The following PLEKHM1 variants were observed in gnomAD, a reference collection of about 807,000 sequenced individuals.
PLEKHM1 encodes pleckstrin homology domain-containing family M member 1.
A neutral mutation model predicts 94.3 loss-of-function variants in PLEKHM1; 28 were observed. The observed-to-expected ratio is 0.30, with a 90% CI of 0.22 to 0.41. The LOEUF is 0.41. Ranked by LOEUF, PLEKHM1 falls within the 10% of genes least tolerant of loss-of-function variation. The probability of loss-of-function intolerance (pLI) is 1.00; values close to 1 mark genes in which losing one functional copy is unlikely to be tolerated. For missense variants in PLEKHM1, 907 were observed against 1,358.6 expected, an observed-to-expected ratio of 0.67 and a Z score of 5.22; for synonymous variants, 424 against 581.2, an observed-to-expected ratio of 0.73 and a Z score of 3.89.
intron 8 of PLEKHM1, among the ~76,000 whole-genome samples, chr17:45,449,821 C>A (rs542808911): frequency 4.7e-4 from 70 of 150,532 alleles, no homozygotes; most frequent in African/African-American, 1.5e-3. Flanking sequence ...TGCTCAGCCA[C>A]CTACCTACCT....
At position 45,475,720 on chromosome 17, in the gene PLEKHM1, G is replaced by T; in HGVS notation, c.303C>A (p.Ile101=). 1.9e-6 allele frequency: 3 copies of T among 1,605,176 alleles called. No homozygotes were observed. Among genetic ancestry groups the T allele is most frequent in the Non-Finnish European group, 2.6e-6 (3 of 1,175,720 alleles). ...ACGTCAGGTGCTCCAACTCTGAGAT[G>T]ATGTGTCTGGGAAGGGAGAACAGAC... ...PLLKAVTHKH[I]ISELEHLTFV... Residue 101 remains isoleucine (I), a synonymous_variant, in exon 4 of 12, where the codon ATC becomes ATA. Transcript: ENST00000430334.
At chr17:45,464,671 T>C (rs62065395) in intron 5 of PLEKHM1, among the ~76,000 whole-genome samples, 18,368 of 150,342 alleles carry the variant, frequency 0.12, 1,476 homozygotes, top group Middle Eastern at 0.19. Flanking sequence ...TCACATCGGA[T>C]TCAGCACCAA....
chr17:45,480,482 T>TCAAAAAAA (rs374190897), intron 2 of PLEKHM1, among the ~76,000 whole-genome samples: 28 of 150,948 alleles, frequency 1.9e-4, no homozygotes, highest in East Asian at 3.9e-4. Flanking sequence ...AGACTCCGTC[T>TCAAAAAAA]CAAAAAAACA....
downstream of PLEKHM1, chr17:45,435,861 C>A (rs548648182): frequency 2.1e-5 from 9 of 428,602 alleles, no homozygotes; most frequent in East Asian, 3.5e-4. Context: ...TGGTCTCCCC[C>A]CTGGCCGTGG....
At chr17:45,466,980 C>T (rs1010767255) in intron 5 of PLEKHM1, among the ~76,000 whole-genome samples, 17 of 152,192 alleles carry the variant, frequency 1.1e-4, no homozygotes, top group African/African-American at 4.1e-4. Context: ...CTGGAAACAA[C>T]CCAAATGTCC....
chr17:45,489,995 C>G (rs937539793), intron 1 of PLEKHM1, among the ~76,000 whole-genome samples: 2 of 151,996 alleles, frequency 1.3e-5, no homozygotes, highest in South Asian at 2.1e-4. Context: ...GCAGGAGACG[C>G]AAAGGAAGGT....
At chr17:45,459,667 C>T (rs1286526004) in intron 5 of PLEKHM1, 1 of 144,280 alleles carries the variant, frequency 6.9e-6, no homozygotes, top group Non-Finnish European at 1.5e-5. Flanking sequence ...TCATGTGTAA[C>T]TCTATGTTTC....
Position 45,437,818 on chromosome 17 carries a change from A to G in PLEKHM1, c.*40T>C. 6.7e-7 allele frequency: 1 copy of G among 1,486,230 alleles called. No homozygotes were observed. Among genetic ancestry groups the G allele is most frequent in the African/African-American group, 1.4e-5 (1 of 72,626 alleles). The allele number at this position is 1,486,230 out of a possible 1,614,324, so 92.1% of individuals were successfully genotyped here. A position where few individuals can be genotyped will look rare whatever the true frequency, so the allele number is the denominator to read the frequency against. On this transcript the variant is annotated 3_prime_UTR_variant, in exon 12 of 12. Transcript: ENST00000430334. The surrounding 1 kb of genome is among the most constrained non-coding windows in gnomAD (Gnocchi z 4.0). ...AACCCAGCCGGGATGGCTGAGCCAC[A>G]CTCACCCCCGGCTTTCAGAGCGGGG...
At position 45,435,947 on chromosome 17, in the gene PLEKHM1, C is replaced by T. The variant is rs1194375552; in HGVS notation, c.*1911G>A. 2.6e-5 allele frequency: 12 copies of T among 456,294 alleles called. No individual in the cohort carries two copies. Among genetic ancestry groups the T allele is most frequent in the African/African-American group, 4.0e-5 (2 of 50,076 alleles). The allele number at this position is 456,294 out of a possible 1,614,324, so 28.3% of individuals were successfully genotyped here. On this transcript the variant is annotated 3_prime_UTR_variant, in exon 12 of 12. Transcript: ENST00000430334. ...ACTGCAAAATCATTCAAAACTCACA[C>T]GGCAGCAATTCCTTCAATACATTGC... is the stretch of plus-strand genomic sequence containing the variant.
intron 5 of PLEKHM1, among the ~76,000 whole-genome samples, chr17:45,465,784 G>A (rs1356748402): frequency 6.6e-6 from 1 of 151,928 alleles, no homozygotes; most frequent in African/African-American, 2.4e-5. Context: ...CAAGGAGGCC[G>A]GTGGGTCAGA....
intron 1 of PLEKHM1, 125 bp downstream of exon 1, chr17:45,490,527 G>A (rs916996375): frequency 7.5e-5 from 28 of 371,480 alleles, no homozygotes; most frequent in African/African-American, 6.1e-4. Context: ...GGGCCCTGAA[G>A]CCGGGCAGTC....
chr17:45,457,892 T>C (rs1273187012), intron 6 of PLEKHM1, among the ~76,000 whole-genome samples: 1 of 152,196 alleles, frequency 6.6e-6, no homozygotes, highest in Non-Finnish European at 1.5e-5. Context: ...GAGTTTTCTA[T>C]AATCATAAAT....
intron 4 of PLEKHM1, among the ~76,000 whole-genome samples, chr17:45,472,097 G>A (rs139898403): frequency 0.018 from 2,800 of 151,818 alleles, 53 homozygotes; most frequent in Non-Finnish European, 0.024. Context: ...TAAGCACAAG[G>A]AATTTATGTC....
At chr17:45,438,987 T>C (rs907792805) in intron 11 of PLEKHM1, among the ~76,000 whole-genome samples, 8 of 152,242 alleles carry the variant, frequency 5.3e-5, no homozygotes, top group African/African-American at 1.9e-4. Context: ...CAGGAAGGTC[T>C]GGACAAATTT....
At chr17:45,458,089 A>T in intron 6 of PLEKHM1, 80 bp downstream of exon 6, 1 of 1,166,050 alleles carries the variant, frequency 8.6e-7, no homozygotes, top group Non-Finnish European at 1.2e-6. Context: ...TTAGCAATGG[A>T]AAACAGAACT....
chr17:45,458,545 A>G (rs1216144700), intron 5 of PLEKHM1, 106 bp from the exon 6 acceptor site: 4 of 1,107,094 alleles, frequency 3.6e-6, no homozygotes, highest in Non-Finnish European at 5.4e-6. Context: ...ACCTCGGCTC[A>G]CTGCAACCTC....
intron 10 of PLEKHM1, 26 bp downstream of exon 10, chr17:45,440,137 G>A: frequency 6.2e-7 from 1 of 1,603,710 alleles, no homozygotes; most frequent in East Asian, 2.2e-5. Context: ...CTAGAGGTCT[G>A]GGCGGGGGAA....
intron 9 of PLEKHM1, among the ~76,000 whole-genome samples, chr17:45,442,029 C>T (rs1314469620): frequency 1.3e-5 from 2 of 152,134 alleles, no homozygotes; most frequent in East Asian, 3.9e-4. Flanking sequence ...AGCCCTGGCT[C>T]CTCCTCTGCC....
chr17:45,434,525 C>CCTCCGGGTTCAAGTGGACCCGG (rs1333616261), downstream of PLEKHM1: 2 of 152,190 alleles, frequency 1.3e-5, no homozygotes, highest in African/African-American at 2.4e-5. Flanking sequence ...TGGCTCACTG[C>CCTCCGGGTTCAAGTGGACCCGG]AACCTCCGCC....
Sources: gnomAD v4.1 joint callset for allele counts (sites outside exome capture counted in the v4.1 genomes callset) on GRCh38, gnomAD v4.1.1 for gene constraint, Gnocchi (gnomAD v3.1) non-coding constraint, MANE v1.5 for transcripts, NCBI Gene and HGNC (gene_info 2026-07-23, HGNC 2026-07-21) for gene names.